DIAPH1: variants seen among roughly 807,000 people sequenced by gnomAD.
DIAPH1 encodes the protein protein diaphanous homolog 1.
In DIAPH1, 46 loss-of-function variants were observed where a neutral mutation model predicts 140.7. The observed-to-expected ratio is 0.33, with a 90% CI of 0.26 to 0.42. The LOEUF (loss-of-function observed/expected upper bound fraction) is 0.42. Among genes scored for constraint, DIAPH1 ranks in the 10% least tolerant of loss-of-function variants. The pLI is 1.00. For missense variants in DIAPH1, 1,310 were observed against 1,558.7 expected, an observed-to-expected ratio of 0.84 and a Z score of 2.69; for synonymous variants, 565 against 551.6, an observed-to-expected ratio of 1.02 and a Z score of -0.34.
chr5:141,536,377 T>A (rs1596345495), intron 18 of DIAPH1, among the ~76,000 whole-genome samples: 2 of 152,036 alleles, frequency 1.3e-5, no homozygotes, highest in East Asian at 3.9e-4. Context: ...AGATTAATTA[T>A]CTCAATAAAT....
At chr5:141,524,091 G>C in intron 27 of DIAPH1, 52 bp downstream of exon 27, 1 of 1,496,346 alleles carries the variant, frequency 6.7e-7, no homozygotes, top group Non-Finnish European at 9.3e-7. Flanking sequence ...GGCAGGAGTA[G>C]AGAGCCCTCA....
chr5:141,548,178 G>A (rs571055796), intron 18 of DIAPH1, among the ~76,000 whole-genome samples: 33 of 150,178 alleles, frequency 2.2e-4, no homozygotes, highest in South Asian at 1.0e-3. Flanking sequence ...CAGCCTGGGC[G>A]ACAGAGCAAG....
chr5:141,523,979 G>A (rs2099886933), intron 27 of DIAPH1, among the ~76,000 whole-genome samples, 164 bp downstream of exon 27: 1 of 151,706 alleles, frequency 6.6e-6, no homozygotes, highest in Non-Finnish European at 1.5e-5. Context: ...TTTCTAAGTC[G>A]CTACTCTGTA....
chr5:141,618,519 A>G, intron 1 of DIAPH1: 1 of 344,478 alleles, frequency 2.9e-6, no homozygotes, highest in Non-Finnish European at 5.4e-6. Flanking sequence ...GACGGGGCTG[A>G]GAGCCGGCCG....
chr5:141,519,060 G>T, intron 27 of DIAPH1: 1 of 1,435,016 alleles, frequency 7.0e-7, no homozygotes, highest in Non-Finnish European at 9.6e-7. Flanking sequence ...TCTAGTTACA[G>T]ATCATAGGTA....
intron 1 of DIAPH1, among the ~76,000 whole-genome samples, chr5:141,600,528 A>G (rs925496052): frequency 5.9e-5 from 9 of 152,238 alleles, no homozygotes; most frequent in Non-Finnish European, 8.8e-5. Context: ...GAACTTCGCT[A>G]AAGGAAAAGG....
At chr5:141,591,695 G>GATAGATATATAT (rs1554210985) in intron 1 of DIAPH1, among the ~76,000 whole-genome samples, 1 of 86,326 alleles carries the variant, frequency 1.2e-5, no homozygotes, top group African/African-American at 5.7e-5. Context: ...GGGAGATGGG[G>GATAGATATATAT]ATATATATAT....
At chr5:141,517,492 G>GT (rs1337958887) in intron 27 of DIAPH1, among the ~76,000 whole-genome samples, 1 of 152,110 alleles carries the variant, frequency 6.6e-6, no homozygotes, top group Non-Finnish European at 1.5e-5. Flanking sequence ...GCAACCTTCC[G>GT]TAAGTGGCTG....
At chr5:141,609,692 T>A (rs2099901519) in intron 1 of DIAPH1, among the ~76,000 whole-genome samples, 1 of 152,184 alleles carries the variant, frequency 6.6e-6, no homozygotes, top group Non-Finnish European at 1.5e-5. Flanking sequence ...CCTATCCTAG[T>A]CTGGAATGAA....
At chr5:141,517,175 T>C (rs1001238908) in intron 27 of DIAPH1, among the ~76,000 whole-genome samples, 167 bp from the exon 28 acceptor site, 26 of 152,296 alleles carry the variant, frequency 1.7e-4, no homozygotes, top group African/African-American at 5.5e-4. Context: ...GTGGAATATA[T>C]TGTTGGGTGG....
At chr5:141,610,014 G>A (rs908559090) in intron 1 of DIAPH1, among the ~76,000 whole-genome samples, 1 of 152,222 alleles carries the variant, frequency 6.6e-6, no homozygotes, top group Non-Finnish European at 1.5e-5. Flanking sequence ...AGAAAAGAGA[G>A]AAGCCGAGCA....
intron 3 of DIAPH1, 79 bp from the exon 4 acceptor site, chr5:141,584,304 C>T: frequency 2.6e-6 from 2 of 781,714 alleles, no homozygotes; most frequent in South Asian, 2.9e-5. Context: ...TATTAGTATG[C>T]TTAGTGAAGA....
chr5:141,521,570 C>A (rs982033084), intron 27 of DIAPH1, among the ~76,000 whole-genome samples: 4 of 152,160 alleles, frequency 2.6e-5, no homozygotes, highest in Admixed American at 6.5e-5. Context: ...CTCCAGAGAC[C>A]GGAAGAATTT....
In DIAPH1 at chr5:141,573,691, A is replaced by G; in HGVS notation, c.2159T>C (p.Leu720Pro). The change falls in exon 16 of 28, where the codon CTT becomes CCT. Residue 720 changes from leucine to proline, a missense_variant. Leu to Pro is a moderately conservative substitution (Grantham distance 98). Coordinates refer to ENST00000389054, the MANE Select transcript of DIAPH1 (RefSeq NM_005219.5). ...TGGAGGGATTCCAGGACCACCAGGA[A>G]GAGGGGGAGGAGGAGGTGGCATTCC... ...EAGMPPPPPP[L>P]PGGPGIPPPP... The G allele has an allele frequency of 6.4e-7, 1 of 1,553,230 alleles. No individual in the cohort carries two copies. The highest frequency in any genetic ancestry group is 2.5e-5 in the East Asian group (1 of 40,450).
intron 7 of DIAPH1, 48 bp downstream of exon 7, chr5:141,582,264 G>A (rs1272461457): frequency 7.1e-7 from 1 of 1,411,224 alleles, no homozygotes. Flanking sequence ...AGAAGAGAAA[G>A]AACAGGCGTC....
At chr5:141,535,284 A>G (rs940606995) in intron 18 of DIAPH1, among the ~76,000 whole-genome samples, 4 of 152,098 alleles carry the variant, frequency 2.6e-5, no homozygotes, top group Non-Finnish European at 4.4e-5. Flanking sequence ...TTTCTCTAAA[A>G]AAATTTTGTT....
intron 18 of DIAPH1, 76 bp from the exon 19 acceptor site, chr5:141,534,509 C>A: frequency 2.7e-6 from 3 of 1,124,840 alleles, no homozygotes; most frequent in South Asian, 1.2e-5. Flanking sequence ...TACTGTCCAG[C>A]GTGAAATGGC....
At position 141,531,164 on chromosome 5, in the gene DIAPH1, C is replaced by T. The variant is rs60366232; in HGVS notation, c.2582-1467G>A. Among the ~76,000 whole-genome samples, 7 of 152,322 alleles carry T rather than the reference C, an allele frequency of 4.6e-5. No individual in the cohort carries two copies. The South Asian group carries it at 1.5e-3, about 32-fold the overall frequency. On this transcript the variant is annotated intron_variant, in intron 19 of 27. Coordinates refer to ENST00000389054, the MANE Select transcript of DIAPH1 (RefSeq NM_005219.5). ...CCAACCTGCTACCTCTCACATCCAC[C>T]TCCCCGAAAAGACAATCTGTTCCTG...
At chr5:141,588,078 A>G (rs2099897813) in intron 2 of DIAPH1, 146 bp downstream of exon 2, 1 of 733,236 alleles carries the variant, frequency 1.4e-6, no homozygotes, top group Non-Finnish European at 2.5e-6. Context: ...CAAACACAGC[A>G]AAGAGTTAGG....
Sources: allele counts gnomAD v4.1 joint callset (sites outside exome capture counted in the v4.1 genomes callset), GRCh38; gene constraint gnomAD v4.1.1; transcripts MANE v1.5; gene names NCBI Gene and HGNC (gene_info 2026-07-23, HGNC 2026-07-21).